SMU1: variants seen among roughly 807,000 people sequenced by gnomAD.
SMU1 encodes the protein SMU1 DNA replication regulator and spliceosomal factor.
SMU1 carries 2 observed loss-of-function variants against 62.0 expected under a neutral mutation model. The observed-to-expected ratio is 0.03, with a 90% CI of 0.01 to 0.10. SMU1 has a LOEUF of 0.10. SMU1 is among the 10% of genes least tolerant of loss of function. SMU1 has a pLI of 1.00. For missense variants in SMU1, 227 were observed against 622.1 expected, an observed-to-expected ratio of 0.36 and a Z score of 6.76; for synonymous variants, 188 against 212.4, an observed-to-expected ratio of 0.89 and a Z score of 1.00.
At chr9:33,054,640 G>A (rs757145697) in intron 9 of SMU1, among the ~76,000 whole-genome samples, 16 of 152,162 alleles carry the variant, frequency 1.1e-4, no homozygotes, top group Non-Finnish European at 2.1e-4. Context: ...AAATAGCATT[G>A]TCCTGATACC....
At position 33,064,766 on chromosome 9, in the gene SMU1, A is replaced by G. The variant is rs7863495; in HGVS notation, c.502-2589T>C. Among the ~76,000 whole-genome samples the G allele has an allele frequency of 4.1e-3, 622 of 150,968 alleles. 6 individuals carry two copies. Among genetic ancestry groups the G allele is most frequent in the African/African-American group, 0.014 (594 of 41,060 alleles). On this transcript the variant is annotated intron_variant, in intron 4 of 11. Coordinates refer to ENST00000397149, the MANE Select transcript of SMU1 (RefSeq NM_018225.3). ...TCTTTTTTTTTTTTTTAATTGAGACAGAGTCTCACTCTGTCACCCAGGCTG... is the reference window on the plus strand; with the variant it reads ...TCTTTTTTTTTTTTTTAATTGAGACGGAGTCTCACTCTGTCACCCAGGCTG...
At position 33,057,727 on chromosome 9, in the gene SMU1, T is replaced by C. The variant is rs756337708; in HGVS notation, c.751-13A>G. 1 of 1,613,174 alleles carries C rather than the reference T, an allele frequency of 6.2e-7. No homozygotes were observed. The highest frequency in any genetic ancestry group is 8.5e-7 in the Non-Finnish European group (1 of 1,179,842). On this transcript the variant is annotated splice_polypyrimidine_tract_variant and intron_variant, in intron 6 of 11. Transcript: ENST00000397149. Reference sequence around the variant, plus strand: ...GGTACTTAAGATCCTAAAGAAACAATGGTTAGCAGTTATCAAAATAACACA... The same window carrying C: ...GGTACTTAAGATCCTAAAGAAACAACGGTTAGCAGTTATCAAAATAACACA...
At chr9:33,066,810 A>T (rs1369473258) in intron 4 of SMU1, among the ~76,000 whole-genome samples, 1 of 151,930 alleles carries the variant, frequency 6.6e-6, no homozygotes, top group Non-Finnish European at 1.5e-5. Flanking sequence ...GTCTCAAAAA[A>T]AAAAAGAAAA....
intron 2 of SMU1, 34 bp from the exon 3 acceptor site, chr9:33,071,926 G>C: frequency 2.0e-6 from 3 of 1,489,238 alleles, no homozygotes; most frequent in African/African-American, 1.5e-5. Flanking sequence ...AAAAACCCCA[G>C]ATGTTTCAAC....
intron 6 of SMU1, among the ~76,000 whole-genome samples, chr9:33,059,272 T>G (rs1254618631): frequency 2.6e-5 from 4 of 152,040 alleles, no homozygotes; most frequent in African/African-American, 9.7e-5. Context: ...ACATAATAAG[T>G]AACACACACA....
intron 4 of SMU1, among the ~76,000 whole-genome samples, chr9:33,067,184 CCAAA>C (rs1839430500): frequency 6.7e-6 from 1 of 150,058 alleles, no homozygotes. Context: ...ATAGATTGAA[CCAAA>C]AGTTGTGATA....
At chr9:33,047,473 G>C (rs1285219088) in intron 11 of SMU1, 82 bp from the exon 12 acceptor site, 1 of 1,119,048 alleles carries the variant, frequency 8.9e-7, no homozygotes, top group African/African-American at 1.6e-5. Flanking sequence ...TGGGTGGAAG[G>C]GAAAAAGAGA....
chr9:33,058,387 G>A (rs1295256695), intron 6 of SMU1, among the ~76,000 whole-genome samples: 1 of 152,142 alleles, frequency 6.6e-6, no homozygotes, highest in Non-Finnish European at 1.5e-5. Context: ...TGCAATCTCA[G>A]CTCACTACAA....
intron 4 of SMU1, among the ~76,000 whole-genome samples, chr9:33,063,113 G>A (rs12684373): frequency 0.038 from 5,858 of 152,286 alleles, 183 homozygotes; most frequent in East Asian, 0.13. Flanking sequence ...TGTAATTCCA[G>A]CACTTTGGGA....
chr9:33,068,968 G>A, intron 3 of SMU1, 34 bp from the exon 4 acceptor site: 2 of 1,610,038 alleles, frequency 1.2e-6, no homozygotes, highest in Non-Finnish European at 1.7e-6. Flanking sequence ...TCATTTCCAA[G>A]AAGCAACAAC....
At chr9:33,067,036 A>C (rs1049204658) in intron 4 of SMU1, among the ~76,000 whole-genome samples, 7 of 152,160 alleles carry the variant, frequency 4.6e-5, no homozygotes, top group African/African-American at 7.2e-5. Flanking sequence ...GGACTAGCAG[A>C]AGTGCATAGA....
intron 3 of SMU1, among the ~76,000 whole-genome samples, chr9:33,071,503 C>A (rs1347799841): frequency 6.6e-6 from 1 of 152,070 alleles, no homozygotes; most frequent in Non-Finnish European, 1.5e-5. Context: ...CTAACCAACA[C>A]GCAATCCTCT....
rs1839132061 is a variant in SMU1, at chr9:33,042,070, G to T, written c.*5223C>A. The T allele has an allele frequency of 6.6e-6, 1 of 152,472 alleles. No homozygotes were observed. Among genetic ancestry groups the T allele is most frequent in the Non-Finnish European group, 1.5e-5 (1 of 68,028 alleles). 9.4% of individuals were successfully genotyped at this position (152,472 alleles called of 1,614,324 possible). ...ATTGCACAATTGTTTAGGAAAATTT[G>T]TTACATGTTTTACAATTAAAAATCC... On this transcript the variant is annotated 3_prime_UTR_variant, in exon 12 of 12. Transcript: ENST00000397149.
rs1839156884 is a variant in SMU1 at position 33,044,203 on chromosome 9, A to G, written c.*3090T>C. On this transcript the variant is annotated 3_prime_UTR_variant, in exon 12 of 12. Coordinates refer to ENST00000397149, the MANE Select transcript of SMU1 (RefSeq NM_018225.3). ...GCTGCAGCAGAGCACTTCCCTAGGA[A>G]CCGACTGCACACGCCCAATTCAGAA... 1.3e-5 allele frequency: 2 copies of G among 152,326 alleles called. No homozygotes were observed. Among genetic ancestry groups the G allele is most frequent in the Non-Finnish European group, 2.9e-5 (2 of 68,042 alleles). 9.4% of individuals were successfully genotyped at this position (152,326 alleles called of 1,614,324 possible).
chr9:33,059,746 C>T (rs924520189), intron 6 of SMU1, among the ~76,000 whole-genome samples: 2 of 150,328 alleles, frequency 1.3e-5, no homozygotes, highest in African/African-American at 2.4e-5. Context: ...GCTGGGATTA[C>T]AGGCACCCAC....
intron 6 of SMU1, among the ~76,000 whole-genome samples, chr9:33,058,281 T>C (rs1254398599): frequency 1.3e-5 from 2 of 152,194 alleles, no homozygotes; most frequent in Non-Finnish European, 2.9e-5. Flanking sequence ...CCACTACCCA[T>C]AGAATGGAAT....
intron 4 of SMU1, among the ~76,000 whole-genome samples, chr9:33,062,422 C>G (rs1839373133): frequency 1.3e-5 from 2 of 152,154 alleles, no homozygotes; most frequent in Non-Finnish European, 2.9e-5. Context: ...TATTTTCTTA[C>G]AGGAGTGGCT....
intron 6 of SMU1, among the ~76,000 whole-genome samples, chr9:33,060,165 T>C (rs1476392475): frequency 6.6e-6 from 1 of 152,024 alleles, no homozygotes; most frequent in Non-Finnish European, 1.5e-5. Flanking sequence ...CACACAAGCA[T>C]GCATGGTTAA....
intron 1 of SMU1, among the ~76,000 whole-genome samples, chr9:33,074,241 T>C (rs1187703894): frequency 3.9e-5 from 6 of 152,264 alleles, no homozygotes; most frequent in Admixed American, 1.3e-4. Context: ...GGCAGGAGGA[T>C]TGGCTGGAAA....
Sources: allele counts gnomAD v4.1 joint callset (sites outside exome capture counted in the v4.1 genomes callset), GRCh38; gene constraint gnomAD v4.1.1; transcripts MANE v1.5; gene names NCBI Gene and HGNC (gene_info 2026-07-23, HGNC 2026-07-21).